MCTP1: variants seen among roughly 807,000 people sequenced by gnomAD.
MCTP1 encodes the protein multiple C2 and transmembrane domain-containing protein 1.
MCTP1 carries 69 observed loss-of-function variants against 120.6 expected under a neutral mutation model. That is an observed-to-expected ratio of 0.57 (90% CI 0.47 to 0.70). The LOEUF (loss-of-function observed/expected upper bound fraction) is 0.70, where lower values mean the gene tolerates loss of function less well. MCTP1 is among the 30% of genes least tolerant of loss of function. The pLI is 0.00. For missense variants in MCTP1, 1,203 were observed against 1,248.8 expected (o/e 0.96, Z 0.55); for synonymous variants, 529 against 493.1 (o/e 1.07, Z -0.96).
intron 1 of MCTP1, among the ~76,000 whole-genome samples, chr5:95,138,282 A>G (rs1024610918): frequency 2.0e-5 from 3 of 147,968 alleles, no homozygotes; most frequent in African/African-American, 7.4e-5. Flanking sequence ...CGATGGGAAT[A>G]TATGAGCATT....
chr5:95,014,591 G>A (rs1357863549), intron 2 of MCTP1, among the ~76,000 whole-genome samples: 1 of 152,024 alleles, frequency 6.6e-6, no homozygotes, highest in African/African-American at 2.4e-5. Context: ...CTGTTGAAAT[G>A]TTTGATATTT....
intron 1 of MCTP1, among the ~76,000 whole-genome samples, chr5:95,029,438 G>A (rs1839887489): frequency 6.6e-6 from 1 of 152,178 alleles, no homozygotes; most frequent in African/African-American, 2.4e-5. Flanking sequence ...GACATTGGAT[G>A]CTAGTTCTCC....
intron 1 of MCTP1, among the ~76,000 whole-genome samples, chr5:95,273,609 C>G (rs1759580838): frequency 6.6e-6 from 1 of 152,190 alleles, no homozygotes; most frequent in African/African-American, 2.4e-5. Flanking sequence ...TTAACACTCA[C>G]TACTTTCAGT....
intron 1 of MCTP1, among the ~76,000 whole-genome samples, chr5:95,113,000 G>T (rs1285677313): frequency 6.6e-6 from 1 of 152,098 alleles, no homozygotes. Context: ...TCTAATGGTT[G>T]AAATAATACA....
Position 95,283,402 on chromosome 5 carries a change from A to C in MCTP1, c.720+454T>G, listed in dbSNP as rs150392284. Among the ~76,000 whole-genome samples the C allele has an allele frequency of 6.8e-3, 1,036 of 152,266 alleles. 3 individuals carry two copies. The highest frequency in any genetic ancestry group is 0.011 in the Admixed American group (173 of 15,296). On this transcript the variant is annotated intron_variant, in intron 1 of 22. Transcript: ENST00000515393. ...TGCTTTCCCTGGCACAGGACCTCACATGTGCCATAATTTACCTCTCCACGT... is the reference window on the plus strand; with the variant it reads ...TGCTTTCCCTGGCACAGGACCTCACCTGTGCCATAATTTACCTCTCCACGT...
In MCTP1 at chr5:94,704,479, G is replaced by A. The variant is rs1311390836; in HGVS notation, c.*3017C>T. On this transcript the variant is annotated 3_prime_UTR_variant, in exon 23 of 23. Transcript: ENST00000515393. ...ACAAATGTAGACTACTTTGAGCATAGGAGACCTTAGATATGAGATCAAAGT... is the reference window on the plus strand; with the variant it reads ...ACAAATGTAGACTACTTTGAGCATAAGAGACCTTAGATATGAGATCAAAGT... 6.6e-6 allele frequency: 1 copy of A among 151,312 alleles called. No individual in the cohort carries two copies. Among genetic ancestry groups the A allele is most frequent in the Non-Finnish European group, 1.5e-5 (1 of 67,586 alleles). 9.4% of individuals were successfully genotyped at this position (151,312 alleles called of 1,614,324 possible). A position where few individuals can be genotyped will look rare whatever the true frequency, so the allele number is the denominator to read the frequency against.
At chr5:95,054,203 C>T (rs983606551) in intron 1 of MCTP1, among the ~76,000 whole-genome samples, 2 of 152,146 alleles carry the variant, frequency 1.3e-5, no homozygotes, top group African/African-American at 2.4e-5. Flanking sequence ...GCCCACAGCC[C>T]GAGACCTGTC....
chr5:94,825,824 CT>C (rs774763759), intron 17 of MCTP1: 12 of 166,636 alleles, frequency 7.2e-5, no homozygotes, highest in Admixed American at 1.3e-4. Flanking sequence ...CATTGATCCC[CT>C]TACCATTATG....
intron 1 of MCTP1, among the ~76,000 whole-genome samples, chr5:95,107,536 G>A (rs976531258): frequency 6.6e-6 from 1 of 152,170 alleles, no homozygotes; most frequent in Admixed American, 6.5e-5. Context: ...AAATAAATCT[G>A]ACAGGAATGC....
intron 1 of MCTP1, among the ~76,000 whole-genome samples, chr5:95,186,288 A>G (rs748985793): frequency 2.0e-5 from 3 of 151,888 alleles, no homozygotes; most frequent in Non-Finnish European, 1.5e-5. Context: ...AAAGAAAAAA[A>G]AAACTCCCAG....
intron 1 of MCTP1, among the ~76,000 whole-genome samples, chr5:95,104,795 C>T (rs1756974654): frequency 6.6e-6 from 1 of 152,178 alleles, no homozygotes; most frequent in Admixed American, 6.6e-5. Context: ...AAATTTCTGA[C>T]TCCATTGGGA....
At chr5:95,224,229 T>G (rs895962420) in intron 1 of MCTP1, among the ~76,000 whole-genome samples, 1 of 152,206 alleles carries the variant, frequency 6.6e-6, no homozygotes, top group African/African-American at 2.4e-5. Context: ...GAATAAGGTT[T>G]CTAGGATATG....
chr5:95,134,140 T>C (rs759461676), intron 1 of MCTP1, among the ~76,000 whole-genome samples: 8 of 152,194 alleles, frequency 5.3e-5, no homozygotes, highest in African/African-American at 7.2e-5. Context: ...TATAAATAGG[T>C]GAGATTGGAA....
chr5:95,206,507 G>A (rs1258308023), intron 1 of MCTP1, among the ~76,000 whole-genome samples: 2 of 152,162 alleles, frequency 1.3e-5, no homozygotes, highest in Non-Finnish European at 2.9e-5. Context: ...ACATTTTAGA[G>A]ACAGGACATT....
intron 1 of MCTP1, among the ~76,000 whole-genome samples, chr5:95,027,462 G>C (rs1839467259): frequency 6.6e-6 from 1 of 152,168 alleles, no homozygotes; most frequent in Admixed American, 6.6e-5. Context: ...TAGCTGCTAA[G>C]CTGAAGAGTC....
intron 1 of MCTP1, among the ~76,000 whole-genome samples, chr5:95,181,016 C>A (rs914905412): frequency 6.6e-6 from 1 of 152,218 alleles, no homozygotes; most frequent in Non-Finnish European, 1.5e-5. Context: ...CTGGTCCAAA[C>A]CATCATTATT....
intron 1 of MCTP1, among the ~76,000 whole-genome samples, chr5:95,119,013 A>C (rs1183919392): frequency 6.6e-6 from 1 of 152,232 alleles, no homozygotes; most frequent in East Asian, 1.9e-4. Context: ...ATTAAACTTA[A>C]TCTGCACTAC....
At chr5:94,718,375 T>C (rs1760035260) in intron 19 of MCTP1, among the ~76,000 whole-genome samples, 1 of 152,196 alleles carries the variant, frequency 6.6e-6, no homozygotes, top group Admixed American at 6.5e-5. Context: ...AAGACTTAGA[T>C]GTAAAACACA....
intron 18 of MCTP1, among the ~76,000 whole-genome samples, chr5:94,785,320 T>C (rs559978971): frequency 6.6e-6 from 1 of 152,242 alleles, no homozygotes; most frequent in South Asian, 2.1e-4. Context: ...ATCTAAAGGC[T>C]TTACAATGTA....
Sources: allele counts gnomAD v4.1 joint callset (sites outside exome capture counted in the v4.1 genomes callset), GRCh38; gene constraint gnomAD v4.1.1; transcripts MANE v1.5; gene names NCBI Gene and HGNC (gene_info 2026-07-23, HGNC 2026-07-21).